FAM149B1: variants seen among roughly 807,000 people sequenced by gnomAD.
FAM149B1 encodes the protein primary cilium assembly protein FAM149B1.
A neutral mutation model predicts 75.3 loss-of-function variants in FAM149B1; 56 were observed. That is an observed-to-expected ratio of 0.74 (90% CI 0.60 to 0.93). FAM149B1 has a LOEUF of 0.93. Ranked by LOEUF, FAM149B1 falls within the 40% of genes least tolerant of loss-of-function variation. The pLI, the probability that FAM149B1 is intolerant of heterozygous loss-of-function variation, is 0.00. For missense variants in FAM149B1, 639 were observed against 708.4 expected, an observed-to-expected ratio of 0.90 and a Z score of 1.11; for synonymous variants, 259 against 256.1, an observed-to-expected ratio of 1.01 and a Z score of -0.11.
chr10:73,225,603 G>C (rs2043523389), intron 7 of FAM149B1, among the ~76,000 whole-genome samples: 1 of 152,094 alleles, frequency 6.6e-6, no homozygotes, highest in African/African-American at 2.4e-5. Flanking sequence ...GTATAACTAA[G>C]GGTAATTTTT....
At chr10:73,221,830 C>T (rs559099589) in intron 7 of FAM149B1, among the ~76,000 whole-genome samples, 47 of 151,730 alleles carry the variant, frequency 3.1e-4, no homozygotes, top group Middle Eastern at 6.8e-3. Context: ...TTTTTGTATT[C>T]TTTTTTTTCT....
intron 5 of FAM149B1, among the ~76,000 whole-genome samples, chr10:73,205,205 G>T (rs1349202893): frequency 6.6e-6 from 1 of 151,848 alleles, no homozygotes; most frequent in East Asian, 1.9e-4. Context: ...ATAATCCCTA[G>T]TGCTGGAGGT....
chr10:73,186,111 A>C (rs2042515827), intron 3 of FAM149B1, among the ~76,000 whole-genome samples: 1 of 152,160 alleles, frequency 6.6e-6, no homozygotes, highest in Admixed American at 6.5e-5. Flanking sequence ...GATTTATCCC[A>C]GGATTGCACG....
chr10:73,179,256 C>T (rs2042337264), intron 3 of FAM149B1, among the ~76,000 whole-genome samples: 1 of 152,144 alleles, frequency 6.6e-6, no homozygotes, highest in African/African-American at 2.4e-5. Context: ...AGCCACCATG[C>T]CCGGCCAACA....
intron 7 of FAM149B1, among the ~76,000 whole-genome samples, chr10:73,226,806 T>C (rs1157173904): frequency 6.7e-6 from 1 of 149,090 alleles, no homozygotes; most frequent in Admixed American, 6.6e-5. Flanking sequence ...GGCTTTGTCA[T>C]GGACCAGTTG....
chr10:73,186,169 G>A (rs953734406), intron 3 of FAM149B1, among the ~76,000 whole-genome samples: 8 of 151,790 alleles, frequency 5.3e-5, no homozygotes, highest in Admixed American at 4.6e-4. Context: ...TAGACGGATG[G>A]TGAAAAAAAG....
At chr10:73,190,962 T>G (rs1564688527) in intron 3 of FAM149B1, among the ~76,000 whole-genome samples, 1 of 151,992 alleles carries the variant, frequency 6.6e-6, no homozygotes, top group Non-Finnish European at 1.5e-5. Context: ...CAAGTGATCC[T>G]CCCCACTCAG....
At position 73,193,530 on chromosome 10, in the gene FAM149B1, G is replaced by A; in HGVS notation, c.479G>A (p.Arg160Lys). ...AGTGAAGGTTATAGATTGTATCCTA[G>A]ATCCCCTTCTGCTGTTTCCGCTTCA... Reference protein sequence around the residue: ...TPSEGYRLYPRSPSAVSASYE... With the variant: ...TPSEGYRLYPKSPSAVSASYE... Residue 160 changes from arginine to lysine, a missense_variant, in exon 5 of 14, where the codon AGA (arginine) becomes AAA (lysine). By Grantham distance (26) the Arg-to-Lys change is conservative (BLOSUM62 2). Transcript: ENST00000242505. The A allele has an allele frequency of 1.3e-6, 2 of 1,550,534 alleles. No homozygotes were observed. The highest frequency in any genetic ancestry group is 1.2e-5 in the South Asian group (1 of 84,006).
At chr10:73,221,016 C>A (rs775461643) in intron 7 of FAM149B1, among the ~76,000 whole-genome samples, 1 of 152,116 alleles carries the variant, frequency 6.6e-6, no homozygotes, top group Non-Finnish European at 1.5e-5. Flanking sequence ...ATGAAAGAAG[C>A]CAATCACAAA....
In FAM149B1 at chr10:73,187,391, TAAAAAAAAA is replaced by T. The variant is rs773682735; in HGVS notation, c.283-5149_283-5141del. Among the ~76,000 whole-genome samples, 173 of 80,994 alleles carry T rather than the reference TAAAAAAAAA, an allele frequency of 2.1e-3. 2 individuals are homozygous for T. Among genetic ancestry groups the T allele is most frequent in the African/African-American group, 7.3e-3 (171 of 23,584 alleles). 53.1% of individuals were successfully genotyped at this position (80,994 alleles called of 152,430 possible). A position where few individuals can be genotyped will look rare whatever the true frequency, so the allele number is the denominator to read the frequency against. On this transcript the variant is annotated intron_variant, in intron 3 of 13. Transcript: ENST00000242505. ...TGCAATTGCAAAGGATCCAGATTAG[TAAAAAAAAA>T]AAAAAAAAAAAAAAATTGAAACAGA...
chr10:73,206,980 A>G (rs2043077775), intron 5 of FAM149B1, among the ~76,000 whole-genome samples: 1 of 152,214 alleles, frequency 6.6e-6, no homozygotes, highest in South Asian at 2.1e-4. Context: ...GGCAGCTTCC[A>G]TGTGGTGTTA....
At chr10:73,212,354 C>T (rs1279918750) in intron 7 of FAM149B1, among the ~76,000 whole-genome samples, 2 of 152,102 alleles carry the variant, frequency 1.3e-5, no homozygotes, top group African/African-American at 4.8e-5. Flanking sequence ...GATCTTGGCC[C>T]ACTGCAACCT....
intron 7 of FAM149B1, among the ~76,000 whole-genome samples, chr10:73,227,080 A>T (rs1589187052): frequency 6.6e-6 from 1 of 152,092 alleles, no homozygotes; most frequent in African/African-American, 2.4e-5. Context: ...ATGAAGAAAA[A>T]TATTTATTTT....
intron 7 of FAM149B1, among the ~76,000 whole-genome samples, chr10:73,220,912 C>T (rs1438198782): frequency 6.6e-6 from 1 of 152,184 alleles, no homozygotes; most frequent in Non-Finnish European, 1.5e-5. Context: ...CCCTAGCAGA[C>T]TAGTACACCA....
At chr10:73,183,924 G>T (rs189031377) in intron 3 of FAM149B1, among the ~76,000 whole-genome samples, 14 of 152,280 alleles carry the variant, frequency 9.2e-5, no homozygotes, top group Non-Finnish European at 1.8e-4. Flanking sequence ...TAGTAAACTT[G>T]GTAGGAAAAA....
chr10:73,211,716 T>A (rs892215690), intron 7 of FAM149B1, among the ~76,000 whole-genome samples: 4 of 152,254 alleles, frequency 2.6e-5, no homozygotes, highest in Non-Finnish European at 4.4e-5. Flanking sequence ...AGCACTTTTT[T>A]AAACTGCTTT....
At chr10:73,178,058 ACT>A in intron 3 of FAM149B1, 83 bp downstream of exon 3, 1 of 1,295,728 alleles carries the variant, frequency 7.7e-7, no homozygotes, top group South Asian at 1.5e-5. Context: ...TCATTCCTTC[ACT>A]CTCCTGCATT....
chr10:73,172,195 A>C (rs916272420), intron 1 of FAM149B1, among the ~76,000 whole-genome samples: 1 of 152,126 alleles, frequency 6.6e-6, no homozygotes, highest in Admixed American at 6.5e-5. Context: ...CCACTTTTTC[A>C]AAGACAAGCT....
chr10:73,244,166 T>C lies in FAM149B1; in HGVS notation c.*3147T>C, dbSNP rs755283387. The C allele has an allele frequency of 1.7e-5, 9 of 519,918 alleles. No individual in the cohort carries two copies. The highest frequency in any genetic ancestry group is 2.4e-5 in the Non-Finnish European group (7 of 294,706). 32.2% of individuals were successfully genotyped at this position (519,918 alleles called of 1,614,324 possible). Reference sequence around the variant, plus strand: ...ACCCAATTCTATTTGCTAGAGGTAGTAAGTACTCTGGCACTCATAAATCAC... The same window carrying C: ...ACCCAATTCTATTTGCTAGAGGTAGCAAGTACTCTGGCACTCATAAATCAC... On this transcript the variant is annotated 3_prime_UTR_variant, in exon 14 of 14. Transcript: ENST00000242505.
Sources: allele counts gnomAD v4.1 joint callset (sites outside exome capture counted in the v4.1 genomes callset), GRCh38; gene constraint gnomAD v4.1.1; transcripts MANE v1.5; gene names NCBI Gene and HGNC (gene_info 2026-07-23, HGNC 2026-07-21).